The following PDXDC1 variants were observed in gnomAD, a reference collection of about 807,000 sequenced individuals.
PDXDC1 encodes pyridoxal-dependent decarboxylase domain-containing protein 1.
In PDXDC1, 42 loss-of-function variants were observed where a neutral mutation model predicts 100.1. The ratio of observed to expected loss-of-function variants is 0.42; its 90% CI spans 0.33 to 0.54. PDXDC1 has a LOEUF of 0.54. Among genes scored for constraint, PDXDC1 ranks in the 20% least tolerant of loss-of-function variants. The probability of loss-of-function intolerance (pLI) is 0.10; values close to 1 mark genes in which losing one functional copy is unlikely to be tolerated. For synonymous variants in PDXDC1, 260 were observed against 371.7 expected (o/e 0.70, Z 3.46); for missense variants, 636 against 979.2 (o/e 0.65, Z 4.68).
At chr16:15,135,696 C>T (rs1257639255) in intron 16 of PDXDC1, 36 of 1,594,386 alleles carry the variant, frequency 2.3e-5, no homozygotes, top group Non-Finnish European at 3.1e-5. Flanking sequence ...GGCGTCTGGT[C>T]GCCATCCTCC....
In PDXDC1 at chr16:14,991,526, A is replaced by ATTTTTTT. The variant is rs1168644641; in HGVS notation, c.22-6216_22-6210dup. On this transcript the variant is annotated intron_variant, in intron 1 of 22. Transcript: ENST00000396410. The stretch of plus-strand genomic sequence containing the variant: ...ATATTGCCTAAGCTGTATTTTGTCT[A>ATTTTTTT]TTTTTTTTTTTTTTTTTGGTGACAG... 2.2e-5 allele frequency among the ~76,000 whole-genome samples: 3 copies of ATTTTTTT among 136,452 alleles called. 1 individual carries two copies. The highest frequency in any genetic ancestry group is 3.1e-5 in the Non-Finnish European group (2 of 63,696). 89.5% of individuals were successfully genotyped at this position (136,452 alleles called of 152,430 possible).
intron 16 of PDXDC1, among the ~76,000 whole-genome samples, chr16:15,078,837 A>G (rs2045573699): frequency 7.2e-6 from 1 of 139,108 alleles, no homozygotes; most frequent in African/African-American, 2.7e-5. Flanking sequence ...TTTGAGACAG[A>G]GTCTTGCTCT....
chr16:15,012,709 A>G (rs2041422152), intron 8 of PDXDC1, among the ~76,000 whole-genome samples: 1 of 152,252 alleles, frequency 6.6e-6, no homozygotes, highest in Non-Finnish European at 1.5e-5. Flanking sequence ...AACATTAGCC[A>G]GGTGTGGTGG....
At chr16:14,990,529 T>C (rs1292808319) in intron 1 of PDXDC1, among the ~76,000 whole-genome samples, 1 of 152,286 alleles carries the variant, frequency 6.6e-6, no homozygotes, top group African/African-American at 2.4e-5. Flanking sequence ...CAACTTTTCA[T>C]AGAGCATTCA....
At chr16:15,109,855 TAA>T (rs1177596848) in intron 16 of PDXDC1, among the ~76,000 whole-genome samples, 15 of 107,584 alleles carry the variant, frequency 1.4e-4, no homozygotes, top group East Asian at 2.5e-4. Context: ...TCTCAAAATT[TAA>T]AAAAAAAAAA....
At chr16:15,022,671 C>T (rs747816774) in intron 12 of PDXDC1, 33 bp from the exon 13 acceptor site, 1 of 1,604,218 alleles carries the variant, frequency 6.2e-7, no homozygotes, top group Non-Finnish European at 8.5e-7. Context: ...CCACGTCCAT[C>T]TAATTACATG....
At chr16:15,147,699 G>GT in the PDXDC1 span, among the ~76,000 whole-genome samples, 5 of 151,894 alleles carry the variant, frequency 3.3e-5, no homozygotes, top group Admixed American at 1.3e-4. Context: ...GCATTTTTTT[G>GT]TTTTTTTGAG....
intron 16 of PDXDC1, among the ~76,000 whole-genome samples, chr16:15,088,053 T>G (rs977730205): frequency 6.6e-6 from 1 of 151,602 alleles, no homozygotes; most frequent in Non-Finnish European, 1.5e-5. Context: ...GAGGCAGAGG[T>G]TGCAGTGAGC....
At chr16:15,063,724 A>AG (rs1461558736) in intron 16 of PDXDC1, among the ~76,000 whole-genome samples, 3 of 146,120 alleles carry the variant, frequency 2.1e-5, no homozygotes, top group African/African-American at 7.4e-5. Flanking sequence ...AAAAAAAAAG[A>AG]AAAAAACAAA....
At chr16:15,125,960 G>A in intron 16 of PDXDC1, 1 of 606,430 alleles carries the variant, frequency 1.6e-6, no homozygotes, top group Non-Finnish European at 3.0e-6. Context: ...CACCGTCCGT[G>A]ATGGCAGCCC....
Position 15,037,564 on chromosome 16 carries a change from T to G in PDXDC1, c.*1289T>G, listed in dbSNP as rs1294345750. The stretch of plus-strand genomic sequence containing the variant: ...GATAAAATGGGGGAGGGGTAAATTA[T>G]CACCTTCAAGAAAATTACATGTTTT... On this transcript the variant is annotated 3_prime_UTR_variant, in exon 23 of 23. Transcript: ENST00000396410. 1 of 153,578 alleles carries G rather than the reference T, an allele frequency of 6.5e-6. No homozygotes were observed. The highest frequency in any genetic ancestry group is 1.4e-5 in the Non-Finnish European group (1 of 69,122). 9.5% of individuals were successfully genotyped at this position (153,578 alleles called of 1,614,324 possible). A position where few individuals can be genotyped will look rare whatever the true frequency, so the allele number is the denominator to read the frequency against.
Position 15,035,455 on chromosome 16 carries a change from T to G in PDXDC1, c.2009T>G (p.Leu670Arg), listed in dbSNP as rs2043358042. ...GCCCTCTCCTCTCCCGCAGGCTCTC[T>G]GGAGTCCACAGAACCCATATATGTC... ...GRTFNLTAGSLESTEPIYVYK... is the reference protein window; with the variant it reads ...GRTFNLTAGSRESTEPIYVYK... Residue 670 changes from leucine (L) to arginine (R), a missense_variant, in exon 22 of 23, where the codon CTG (leucine) becomes CGG (arginine). Physicochemically the swap from Leu to Arg is moderately radical, Grantham distance 102. Transcript: ENST00000396410. 1.9e-6 allele frequency: 3 copies of G among 1,604,388 alleles called. No individual in the cohort carries two copies. The highest frequency in any genetic ancestry group is 2.6e-6 in the Non-Finnish European group (3 of 1,174,960).
intron 1 of PDXDC1, among the ~76,000 whole-genome samples, chr16:14,993,320 G>A (rs1476858865): frequency 8.2e-6 from 1 of 122,306 alleles, no homozygotes; most frequent in Non-Finnish European, 1.5e-5. Context: ...AAGCAGCAGT[G>A]TATGATGTTC....
chr16:15,122,809 A>G (rs1214906652), intron 16 of PDXDC1, among the ~76,000 whole-genome samples: 1 of 52,486 alleles, frequency 1.9e-5, no homozygotes, highest in Non-Finnish European at 3.9e-5. Context: ...ACTGGGCGGG[A>G]TCTGAGTTGG....
At chr16:15,124,408 A>G (rs892448455) in intron 16 of PDXDC1, among the ~76,000 whole-genome samples, 4 of 152,162 alleles carry the variant, frequency 2.6e-5, no homozygotes, top group Non-Finnish European at 5.9e-5. Context: ...GAAATATTCT[A>G]TTGATGCTAC....
chr16:15,068,535 C>T (rs1048559448), intron 16 of PDXDC1, among the ~76,000 whole-genome samples: 5 of 152,134 alleles, frequency 3.3e-5, no homozygotes, highest in African/African-American at 4.8e-5. Flanking sequence ...TAAGATTCCA[C>T]GACAATGTGA....
intron 16 of PDXDC1, among the ~76,000 whole-genome samples, chr16:15,098,826 C>T (rs1235788519): frequency 4.0e-5 from 6 of 151,654 alleles, no homozygotes; most frequent in South Asian, 2.1e-4. Flanking sequence ...TGCAGTGAGC[C>T]GAGATCACTG....
intron 16 of PDXDC1, among the ~76,000 whole-genome samples, chr16:15,089,100 C>T (rs1246092625): frequency 7.3e-5 from 11 of 151,636 alleles, no homozygotes; most frequent in Non-Finnish European, 1.3e-4. Flanking sequence ...GTCAGGAGTT[C>T]GAGAGCAGCC....
chr16:15,133,778 A>T, intron 16 of PDXDC1: 1 of 1,589,682 alleles, frequency 6.3e-7, no homozygotes. Flanking sequence ...GCTCCCCCTA[A>T]GCAGGCCTGT....
Sources: allele counts gnomAD v4.1 joint callset (sites outside exome capture counted in the v4.1 genomes callset), GRCh38; gene constraint gnomAD v4.1.1; transcripts MANE v1.5; gene names NCBI Gene and HGNC (gene_info 2026-07-23, HGNC 2026-07-21).